Variants in CEP95 observed in about 807,000 individuals in gnomAD.
CEP95 encodes the protein centrosomal protein 95, also known as centrosomal protein of 95 kDa.
Under a neutral mutation model 111.2 loss-of-function variants are expected in CEP95, and 98 were observed. The ratio of observed to expected loss-of-function variants is 0.88; its 90% CI spans 0.75 to 1.04. The LOEUF is 1.04. Among genes scored for constraint, CEP95 ranks in the 50% least tolerant of loss-of-function variants. CEP95 has a pLI of 0.00. For synonymous variants in CEP95, 323 were observed against 327.1 expected (o/e 0.99, Z 0.14); for missense variants, 1,027 against 977.2 (o/e 1.05, Z -0.68).
rs782455808 is a variant in CEP95, at chr17:64,527,096, G to T, written c.1153-15G>T. 2 of 1,605,496 alleles carry T rather than the reference G, an allele frequency of 1.2e-6. No individual in the cohort carries two copies. The highest frequency in any genetic ancestry group is 1.3e-5 in the African/African-American group (1 of 74,600). On this transcript the variant is annotated splice_polypyrimidine_tract_variant and intron_variant, in intron 10 of 19. Transcript: ENST00000556440. ...TGAAATCAGTGAAAGATGTTGAAAA[G>T]AATTTTCTCAATAGATGTTAAAAAG...
chr17:64,507,959 A>G, intron 1 of CEP95: 2 of 984,930 alleles, frequency 2.0e-6, no homozygotes, highest in Non-Finnish European at 2.4e-6. Context: ...TACGCAGGAA[A>G]CGTCAACAGT....
intron 4 of CEP95, 58 bp downstream of exon 4, chr17:64,514,416 C>A: frequency 1.3e-6 from 1 of 758,666 alleles, no homozygotes; most frequent in South Asian, 1.6e-5. Flanking sequence ...TCCCTTTTGC[C>A]TTTTATCTTT....
intron 11 of CEP95, among the ~76,000 whole-genome samples, chr17:64,528,437 A>G (rs1449950054): frequency 6.6e-6 from 1 of 152,154 alleles, no homozygotes; most frequent in East Asian, 1.9e-4. Flanking sequence ...GTACATACAC[A>G]TGGTATCCTA....
intron 10 of CEP95, 150 bp from the exon 11 acceptor site, chr17:64,526,961 A>C (rs1967866532): frequency 1.8e-6 from 1 of 556,802 alleles, no homozygotes; most frequent in African/African-American, 1.9e-5. Context: ...TCCTGTCTCA[A>C]AATAAAAGTA....
chr17:64,523,988 G>C (rs1967585717), intron 8 of CEP95, among the ~76,000 whole-genome samples: 1 of 152,138 alleles, frequency 6.6e-6, no homozygotes, highest in South Asian at 2.1e-4. Context: ...AAACATTCAA[G>C]CAATGCATTA....
intron 5 of CEP95, 27 bp downstream of exon 5, chr17:64,516,855 T>G (rs782396433): frequency 7.5e-7 from 1 of 1,327,032 alleles, no homozygotes; most frequent in Middle Eastern, 1.8e-4. Flanking sequence ...CTGAATTTGA[T>G]GAAAACAAGT....
rs75595541 is a variant in CEP95, at chr17:64,519,091, C to G, written c.474-230C>G. On this transcript the variant is annotated intron_variant, in intron 5 of 19. Transcript: ENST00000556440. ...CATCCCACCCCCTTCACTCCCACAC[C>G]CTAGAGTCACCAGTATTTGCTGTTC... 3.5e-3 allele frequency among the ~76,000 whole-genome samples: 532 copies of G among 152,268 alleles called. 2 individuals carry two copies. Among genetic ancestry groups the G allele is most frequent in the African/African-American group, 0.012 (502 of 41,534 alleles).
At chr17:64,526,501 C>T (rs1393615208) in intron 10 of CEP95, among the ~76,000 whole-genome samples, 2 of 152,056 alleles carry the variant, frequency 1.3e-5, no homozygotes, top group African/African-American at 2.4e-5. Context: ...TCCCCTTTGC[C>T]GCTAAAGACA....
Position 64,521,296 on chromosome 17 carries a change from TTATTTAA to T in CEP95, c.590-100_590-94del, listed in dbSNP as rs1438920374. On this transcript the variant is annotated intron_variant, in intron 6 of 19. Transcript: ENST00000556440. ...TGGACCAACATTATTTCGTTCAACATTATTTAATATTTGTTTCCTGAGTACAAAACTC... is the reference window on the plus strand; with the variant it reads ...TGGACCAACATTATTTCGTTCAACATTATTTGTTTCCTGAGTACAAAACTC... 3.8e-5 allele frequency: 28 copies of T among 743,828 alleles called. No individual in the cohort carries two copies. The African/African-American group carries it at 4.5e-4, about 12-fold the overall frequency. 46.1% of individuals were successfully genotyped at this position (743,828 alleles called of 1,614,324 possible).
rs781849740 is a variant in CEP95 at position 64,536,654 on chromosome 17, G to A, written c.2123G>A (p.Arg708Gln). The A allele has an allele frequency of 2.1e-5, 34 of 1,611,462 alleles. No homozygotes were observed. The highest frequency in any genetic ancestry group is 6.6e-5 in the South Asian group (6 of 90,548). ...EGLNIQKQRL[R>Q]DLRNYAKEKR... ...TTAAACATTCAAAAGCAAAGATTAC[G>A]AGACCTAAGAAACTATGCCAAAGAA... The change falls in exon 18 of 20, where the codon CGA becomes CAA. Residue 708 changes from arginine (R) to glutamine (Q), a missense_variant. Transcript: ENST00000556440.
chr17:64,507,589 C>G (rs1376784675), intron 1 of CEP95: 12 of 1,013,136 alleles, frequency 1.2e-5, no homozygotes, highest in Non-Finnish European at 1.4e-5. Flanking sequence ...CTTCAGTGCC[C>G]TCTAGAGTCA....
intron 17 of CEP95, chr17:64,535,139 GTCA>G (rs1968561875): frequency 4.6e-6 from 1 of 218,456 alleles, no homozygotes; most frequent in South Asian, 6.4e-5. Flanking sequence ...CATTTGCTAT[GTCA>G]TCCTAATCAG....
At position 64,521,514 on chromosome 17, in the gene CEP95, C is replaced by G. The variant is rs34153465; in HGVS notation, c.702C>G (p.Ser234=). Residue 234 remains serine (S), a synonymous_variant, in exon 7 of 20, where the codon TCC becomes TCG. Transcript: ENST00000556440. ...PPSVLSKSRT[S]FVEDTETLSV... ...GTGTTTTGTCCAAGAGTAGGACATCCTTTGTTGAAGACAGTGAGTTGTAAT... is the reference window on the plus strand; with the variant it reads ...GTGTTTTGTCCAAGAGTAGGACATCGTTTGTTGAAGACAGTGAGTTGTAAT... The G allele has an allele frequency of 1.2e-6, 2 of 1,610,888 alleles. No homozygotes were observed. The highest frequency in any genetic ancestry group is 1.1e-5 in the South Asian group (1 of 90,370).
chr17:64,529,369 T>C lies in CEP95; in HGVS notation c.1388T>C (p.Leu463Ser). 1 of 1,613,858 alleles carries C rather than the reference T, an allele frequency of 6.2e-7. No homozygotes were observed. Residue 463 changes from leucine to serine, a missense_variant, in exon 12 of 20, where the codon TTG (leucine) becomes TCG (serine). By Grantham distance (145) the Leu-to-Ser change is moderately radical. Coordinates refer to ENST00000556440, the MANE Select transcript of CEP95 (RefSeq NM_138363.3). ...SPVNKHKQFH[L>S]ERKRQRKPRE... ...GTTAACAAACACAAACAGTTCCACT[T>C]GGAGAGAAAAAGGCAGCGCAAGCCA...
intron 12 of CEP95, 122 bp from the exon 13 acceptor site, chr17:64,530,804 A>C (rs1210858460): frequency 5.5e-6 from 3 of 550,276 alleles, no homozygotes; most frequent in Non-Finnish European, 9.4e-6. Flanking sequence ...CGGTTGAGGC[A>C]CCATTGGAAT....
At chr17:64,519,031 G>A (rs1357217588) in intron 5 of CEP95, among the ~76,000 whole-genome samples, 4 of 152,086 alleles carry the variant, frequency 2.6e-5, no homozygotes, top group African/African-American at 4.8e-5. Flanking sequence ...AAGCGCAAAA[G>A]TGAAACAATT....
intron 16 of CEP95, 69 bp from the exon 17 acceptor site, chr17:64,534,516 G>A: frequency 1.4e-6 from 2 of 1,410,524 alleles, no homozygotes. Context: ...GAGTGAGGCA[G>A]ATGAGAACGC....
chr17:64,522,600 C>T (rs781820064), intron 7 of CEP95, 102 bp from the exon 8 acceptor site: 63 of 689,272 alleles, frequency 9.1e-5, no homozygotes, highest in Non-Finnish European at 8.9e-5. Flanking sequence ...AAAAATATTT[C>T]TAATGTATGT....
chr17:64,528,299 TCA>T (rs1968015759), intron 11 of CEP95, among the ~76,000 whole-genome samples: 2 of 152,200 alleles, frequency 1.3e-5, no homozygotes, highest in Admixed American at 1.3e-4. Flanking sequence ...CTTAACTTTT[TCA>T]GTTGTTTTTT....
Sources: allele counts gnomAD v4.1 joint callset (sites outside exome capture counted in the v4.1 genomes callset), GRCh38; gene constraint gnomAD v4.1.1; transcripts MANE v1.5; gene names NCBI Gene and HGNC (gene_info 2026-07-23, HGNC 2026-07-21).